Variants in LEMD1 observed in about 807,000 individuals in gnomAD.
LEMD1 encodes the protein LEM domain-containing protein 1.
Under a neutral mutation model 17.4 loss-of-function variants are expected in LEMD1, and 18 were observed. The ratio of observed to expected loss-of-function variants is 1.04; its 90% CI spans 0.72 to 1.54. The LOEUF is 1.54. Ranked by LOEUF, LEMD1 falls within the 40% of genes most tolerant of loss-of-function variation. The pLI is 0.00. For synonymous variants in LEMD1, 88 were observed against 77.8 expected (o/e 1.13, Z -0.69); for missense variants, 195 against 210.4 (o/e 0.93, Z 0.45).
intron 1 of LEMD1, among the ~76,000 whole-genome samples, chr1:205,446,350 T>G (rs138073577): frequency 6.6e-5 from 10 of 152,334 alleles, no homozygotes; most frequent in Middle Eastern, 3.4e-3. Flanking sequence ...TTGCTCTATG[T>G]CCCTGCTGGT....
intron 1 of LEMD1, among the ~76,000 whole-genome samples, chr1:205,431,693 G>T (rs954848387): frequency 7.9e-5 from 12 of 152,104 alleles, no homozygotes; most frequent in Admixed American, 3.3e-4. Context: ...AAAGCCAGGA[G>T]AACAACACGG....
intron 3 of LEMD1, among the ~76,000 whole-genome samples, chr1:205,416,680 G>A (rs1665712683): frequency 6.6e-6 from 1 of 152,178 alleles, no homozygotes; most frequent in Non-Finnish European, 1.5e-5. Context: ...GGCACCCAGG[G>A]AAGGCAAGGC....
intron 1 of LEMD1, chr1:205,435,182 T>C (rs1394688175): frequency 1.3e-5 from 2 of 152,208 alleles, no homozygotes; most frequent in South Asian, 2.1e-4. Context: ...CTTGAGGACG[T>C]GAAATGTATC....
At chr1:205,389,173 C>A (rs1406852136) in intron 4 of LEMD1, among the ~76,000 whole-genome samples, 1 of 151,242 alleles carries the variant, frequency 6.6e-6, no homozygotes, top group Admixed American at 6.6e-5. Flanking sequence ...CTCAGCCTCC[C>A]GAGTAGCTGA....
intron 1 of LEMD1, among the ~76,000 whole-genome samples, chr1:205,445,115 C>T (rs1337065302): frequency 2.0e-5 from 3 of 151,964 alleles, no homozygotes; most frequent in Non-Finnish European, 4.4e-5. Context: ...TTAGCTCGGG[C>T]GGTGGAGCAG....
chr1:205,387,707 C>G (rs901522506), intron 4 of LEMD1, among the ~76,000 whole-genome samples: 1 of 152,194 alleles, frequency 6.6e-6, no homozygotes, highest in Non-Finnish European at 1.5e-5. Flanking sequence ...ATGTGGCCCC[C>G]TCTGCTTTTC....
chr1:205,389,803 C>T (rs141300257), intron 4 of LEMD1, among the ~76,000 whole-genome samples: 2 of 152,140 alleles, frequency 1.3e-5, no homozygotes, highest in African/African-American at 4.8e-5. Flanking sequence ...ATTTACAGAC[C>T]TTTAAAACTG....
rs147775665 is a variant in LEMD1 at position 205,413,340 on chromosome 1, T to A, written c.270+2892A>T. On this transcript the variant is annotated intron_variant, in intron 4 of 5. Coordinates refer to ENST00000367153, the MANE Select transcript of LEMD1 (RefSeq NM_001199050.2). ...TCTCGCTCTGTCACCCAGGCTAGAG[T>A]GCAGTGGTGTCATCATGGCTTACTG... Among the ~76,000 whole-genome samples the A allele has an allele frequency of 9.9e-4, 151 of 152,176 alleles. 1 individual carries two copies. The East Asian group carries it at 0.028, about 29-fold the overall frequency.
rs188340615 is a variant in LEMD1, at chr1:205,381,726, C to T, written c.478G>A (p.Val160Met). 2 of 1,614,220 alleles carry T rather than the reference C, an allele frequency of 1.2e-6. No individual in the cohort carries two copies. The highest frequency in any genetic ancestry group is 2.2e-5 in the East Asian group (1 of 44,888). The stretch of plus-strand genomic sequence containing the variant: ...ACCACAATGATGAAAATACCAAGCA[C>T]AGCAAGCTTCAAGCCCACTGGGAAA... ...EGFPVGLKLAVLGIFIIVVFV... is the reference protein window; with the variant it reads ...EGFPVGLKLAMLGIFIIVVFV... The change falls in exon 6 of 6, where the codon GTG (valine) becomes ATG (methionine). Residue 160 changes from valine to methionine, a missense_variant. Coordinates refer to ENST00000367153, the MANE Select transcript of LEMD1 (RefSeq NM_001199050.2).
chr1:205,433,093 G>A (rs1666150078), intron 1 of LEMD1, among the ~76,000 whole-genome samples: 1 of 152,202 alleles, frequency 6.6e-6, no homozygotes, highest in African/African-American at 2.4e-5. Flanking sequence ...GTTCTCTCAG[G>A]ACTCTGAAGC....
intron 4 of LEMD1, among the ~76,000 whole-genome samples, chr1:205,391,430 G>C (rs190850991): frequency 1.2e-3 from 175 of 152,044 alleles, no homozygotes; most frequent in Middle Eastern, 6.8e-3. Flanking sequence ...AACACCAAGG[G>C]ATGCAGGTGA....
rs985979432 is a variant in LEMD1, at chr1:205,381,468, A to G, written c.*190T>C. On this transcript the variant is annotated 3_prime_UTR_variant, in exon 6 of 6. Coordinates refer to ENST00000367153, the MANE Select transcript of LEMD1 (RefSeq NM_001199050.2). The stretch of plus-strand genomic sequence containing the variant: ...ATTTCCTAACCATCATGCTCTTAAC[A>G]CAGGTGCCTGGTTAGGCAGGTTCCT... 3 of 615,968 alleles carry G rather than the reference A, an allele frequency of 4.9e-6. No homozygotes were observed. Among genetic ancestry groups the G allele is most frequent in the Non-Finnish European group, 8.6e-6 (3 of 347,426 alleles). 38.2% of individuals were successfully genotyped at this position (615,968 alleles called of 1,614,324 possible). A position where few individuals can be genotyped will look rare whatever the true frequency, so the allele number is the denominator to read the frequency against.
chr1:205,399,049 T>C (rs906212734), intron 4 of LEMD1, among the ~76,000 whole-genome samples: 2 of 152,094 alleles, frequency 1.3e-5, no homozygotes, highest in Admixed American at 1.3e-4. Flanking sequence ...ACCCCATCTC[T>C]ACTAAAAATA....
intron 3 of LEMD1, among the ~76,000 whole-genome samples, chr1:205,416,897 C>G (rs1665720508): frequency 6.6e-6 from 1 of 152,182 alleles, no homozygotes; most frequent in Non-Finnish European, 1.5e-5. Flanking sequence ...ACTGACAAGA[C>G]AGTCAGTTAG....
intron 1 of LEMD1, among the ~76,000 whole-genome samples, chr1:205,445,082 C>T (rs751236013): frequency 1.3e-4 from 20 of 152,176 alleles, no homozygotes; most frequent in Non-Finnish European, 2.6e-4. Flanking sequence ...GCAGCTGCGG[C>T]TTAGGAGACC....
chr1:205,386,831 G>A (rs776304031), intron 4 of LEMD1: 6 of 152,210 alleles, frequency 3.9e-5, no homozygotes, highest in Admixed American at 6.5e-5. Flanking sequence ...ATGTGGGTTA[G>A]TGTTGGCATG....
At position 205,419,186 on chromosome 1, in the gene LEMD1, A is replaced by G. The variant is rs1389884557; in HGVS notation, c.205+44T>C. The G allele has an allele frequency of 3.7e-6, 6 of 1,604,502 alleles. No homozygotes were observed. The South Asian group carries it at 4.4e-5, about 12-fold the overall frequency. On this transcript the variant is annotated intron_variant, in intron 3 of 5. Coordinates refer to ENST00000367153, the MANE Select transcript of LEMD1 (RefSeq NM_001199050.2). Reference sequence around the variant, plus strand: ...ATAAATCATGCTGGACAAGGTATTAATAAGTGCAAAGTTGCCATCTAGCAG... The same window carrying G: ...ATAAATCATGCTGGACAAGGTATTAGTAAGTGCAAAGTTGCCATCTAGCAG...
At chr1:205,415,312 G>A (rs1665646097) in intron 4 of LEMD1, among the ~76,000 whole-genome samples, 1 of 152,188 alleles carries the variant, frequency 6.6e-6, no homozygotes, top group African/African-American at 2.4e-5. Flanking sequence ...CCAGTAGGCA[G>A]TTGGATATGC....
Position 205,381,552 on chromosome 1 carries a change from C to A in LEMD1, c.*106G>T. The A allele has an allele frequency of 9.2e-7, 1 of 1,091,812 alleles. No homozygotes were observed. Among genetic ancestry groups the A allele is most frequent in the South Asian group, 1.3e-5 (1 of 75,036 alleles). The allele number at this position is 1,091,812 out of a possible 1,614,324, so 67.6% of individuals were successfully genotyped here. ...GAGCAGCACAGTGCAAGGGAAGGCT[C>A]CCTGCAAGGGAGGGCTGCAGGCTAG... On this transcript the variant is annotated 3_prime_UTR_variant, in exon 6 of 6. Coordinates refer to ENST00000367153, the MANE Select transcript of LEMD1 (RefSeq NM_001199050.2).
Sources: gnomAD v4.1 joint callset for allele counts (sites outside exome capture counted in the v4.1 genomes callset) on GRCh38, gnomAD v4.1.1 for gene constraint, MANE v1.5 for transcripts, NCBI Gene and HGNC (gene_info 2026-07-23, HGNC 2026-07-21) for gene names.